The following IL1RAPL1 variants were observed in gnomAD, a reference collection of about 807,000 sequenced individuals.
IL1RAPL1 encodes interleukin 1 receptor accessory protein like 1, also known as interleukin-1 receptor accessory protein-like 1.
IL1RAPL1 carries 3 observed loss-of-function variants against 48.4 expected under a neutral mutation model. The observed-to-expected ratio is 0.06, with a 90% CI of 0.03 to 0.16. The LOEUF is 0.16. Among genes scored for constraint, IL1RAPL1 ranks in the 10% least tolerant of loss-of-function variants. The pLI is 1.00. For missense variants in IL1RAPL1, 349 were observed against 530.6 expected, an observed-to-expected ratio of 0.66 and a Z score of 3.36; for synonymous variants, 185 against 187.7, an observed-to-expected ratio of 0.99 and a Z score of 0.12.
At chrX:29,093,008 GT>G (rs1171768261) in intron 2 of IL1RAPL1, among the ~76,000 whole-genome samples, 1 of 111,644 alleles carries the variant, frequency 9.0e-6, no homozygotes, top group African/African-American at 3.3e-5. Context: ...ATATTAACCA[GT>G]CATTACTGCC....
chrX:29,102,609 T>G (rs1928364212), intron 2 of IL1RAPL1, among the ~76,000 whole-genome samples: 1 of 107,301 alleles, frequency 9.3e-6, no homozygotes, highest in Non-Finnish European at 1.9e-5. Context: ...GAGGTTGCAG[T>G]GAGCCAAGAT....
intron 5 of IL1RAPL1, among the ~76,000 whole-genome samples, chrX:29,563,042 A>G (rs1469044806): frequency 8.9e-6 from 1 of 111,954 alleles, no homozygotes; most frequent in Admixed American, 9.5e-5. Context: ...CTACTTAAAA[A>G]AAATTATTGT....
intron 3 of IL1RAPL1, among the ~76,000 whole-genome samples, chrX:29,286,837 G>A (rs775338905): frequency 4.5e-5 from 5 of 111,451 alleles, no homozygotes; most frequent in African/African-American, 1.6e-4. Context: ...CCCCCCAAAT[G>A]GTAGCATGCT....
intron 2 of IL1RAPL1, among the ~76,000 whole-genome samples, chrX:28,949,666 G>T (rs1924398816): frequency 9.1e-6 from 1 of 110,059 alleles, no homozygotes; most frequent in Admixed American, 9.7e-5. Flanking sequence ...TTGTGGTTTT[G>T]ATTTGCATTT....
intron 3 of IL1RAPL1, among the ~76,000 whole-genome samples, chrX:29,294,050 A>C (rs868006378): frequency 3.2e-4 from 35 of 110,010 alleles, no homozygotes; most frequent in African/African-American, 1.1e-3. Flanking sequence ...AAAAAAAAAA[A>C]TAAATGAATA....
chrX:28,996,676 G>A (rs892044044), intron 2 of IL1RAPL1, among the ~76,000 whole-genome samples: 1 of 110,531 alleles, frequency 9.0e-6, no homozygotes, highest in Non-Finnish European at 1.9e-5. Context: ...ACCATTTTAC[G>A]TGTACAATTA....
At chrX:29,138,681 G>T (rs1602075720) in intron 2 of IL1RAPL1, among the ~76,000 whole-genome samples, 2 of 107,329 alleles carry the variant, frequency 1.9e-5, no homozygotes, top group Admixed American at 2.0e-4. Flanking sequence ...GGAGGCTGTG[G>T]CAGGAGAATC....
intron 5 of IL1RAPL1, among the ~76,000 whole-genome samples, chrX:29,602,001 G>A (rs1923735277): frequency 9.0e-6 from 1 of 110,506 alleles, no homozygotes; most frequent in African/African-American, 3.3e-5. Context: ...TGTTTTTTTT[G>A]AGACGGAGTC....
chrX:29,632,298 G>A (rs913553080), intron 5 of IL1RAPL1, among the ~76,000 whole-genome samples: 2 of 109,377 alleles, frequency 1.8e-5, no homozygotes, highest in Admixed American at 9.7e-5. Flanking sequence ...ACAGGCGCCC[G>A]CCACCACACC....
At chrX:28,607,652 CT>C (rs764085973) in intron 1 of IL1RAPL1, among the ~76,000 whole-genome samples, 5 of 110,997 alleles carry the variant, frequency 4.5e-5, no homozygotes, top group African/African-American at 1.3e-4. Context: ...GAAAGAATCA[CT>C]TTTTTTCAAG....
chrX:28,846,027 T>C (rs1921500381), intron 2 of IL1RAPL1, among the ~76,000 whole-genome samples: 1 of 112,131 alleles, frequency 8.9e-6, no homozygotes, highest in African/African-American at 3.2e-5. Flanking sequence ...TCCACCATTA[T>C]AGTATCATAT....
rs777403045 is a variant in IL1RAPL1, at chrX:28,829,332, CT to C, written c.82+39909del. Among the ~76,000 whole-genome samples the C allele has an allele frequency of 3.1e-4, 34 of 110,563 alleles. No individual in the cohort carries two copies. In the East Asian group the frequency reaches 9.8e-3, roughly 32 times the overall value. On this transcript the variant is annotated intron_variant, in intron 2 of 10. Transcript: ENST00000378993. ...TTCTTCTTTTCCATTATAGTTGCCT[CT>C]TATTTCTTTTTCTTATCTAATTTCC...
rs1935385547 is a variant in IL1RAPL1, at chrX:29,510,757, T to C, written c.703+111449T>C. Among the ~76,000 whole-genome samples, 3 of 111,828 alleles carry C rather than the reference T, an allele frequency of 2.7e-5. No homozygotes were observed. The South Asian group carries it at 1.1e-3, about 42-fold the overall frequency. On this transcript the variant is annotated intron_variant, in intron 5 of 10. Coordinates refer to ENST00000378993, the MANE Select transcript of IL1RAPL1 (RefSeq NM_014271.4). ...CAATACAAACACTTTCTTCTAGTCA[T>C]ACGGGGCCTTTCATTCCCACCATAC...
intron 3 of IL1RAPL1, among the ~76,000 whole-genome samples, chrX:29,353,751 A>G (rs1933264714): frequency 9.0e-6 from 1 of 110,562 alleles, no homozygotes; most frequent in Admixed American, 9.7e-5. Flanking sequence ...AGAGGATGAA[A>G]CACTTGAAAA....
chrX:29,284,481 G>A lies in IL1RAPL1; in HGVS notation c.362+1264G>A, dbSNP rs185523712. ...CATCTGGCCGGGCATGGTGGCTCAC[G>A]CCTGTAATCCCAGAACTTTGGGAGG... is the stretch of plus-strand genomic sequence containing the variant. On this transcript the variant is annotated intron_variant, in intron 3 of 10. Coordinates refer to ENST00000378993, the MANE Select transcript of IL1RAPL1 (RefSeq NM_014271.4). Among the ~76,000 whole-genome samples, 27 of 112,552 alleles carry A rather than the reference G, an allele frequency of 2.4e-4. No homozygotes were observed. In the East Asian group the frequency reaches 6.9e-3, roughly 29 times the overall value.
intron 1 of IL1RAPL1, among the ~76,000 whole-genome samples, chrX:28,629,209 A>G (rs1934373815): frequency 9.0e-6 from 1 of 111,714 alleles, no homozygotes; most frequent in South Asian, 3.8e-4. Flanking sequence ...AGGAGAATAA[A>G]TAGTGTGAGT....
At chrX:29,458,751 G>A (rs187203291) in intron 5 of IL1RAPL1, among the ~76,000 whole-genome samples, 3 of 108,169 alleles carry the variant, frequency 2.8e-5, no homozygotes, top group South Asian at 4.1e-4. Flanking sequence ...ACAGGGTGTC[G>A]CTGTGTTGCC....
chrX:28,851,500 C>T (rs73208051), intron 2 of IL1RAPL1, among the ~76,000 whole-genome samples: 2 of 110,772 alleles, frequency 1.8e-5, no homozygotes, highest in Non-Finnish European at 3.8e-5. Flanking sequence ...ACAGCTTGCT[C>T]CATACATCCA....
chrX:28,964,026 T>C (rs764604557), intron 2 of IL1RAPL1, among the ~76,000 whole-genome samples: 1 of 111,794 alleles, frequency 8.9e-6, no homozygotes, highest in Non-Finnish European at 1.9e-5. Context: ...TGTGACTTAA[T>C]CATATATCTA....
Sources: allele counts gnomAD v4.1 joint callset (sites outside exome capture counted in the v4.1 genomes callset), GRCh38; gene constraint gnomAD v4.1.1; transcripts MANE v1.5; gene names NCBI Gene and HGNC (gene_info 2026-07-23, HGNC 2026-07-21).